The following KLHL1 variants were observed in gnomAD, a reference collection of about 807,000 sequenced individuals.
KLHL1 encodes the protein kelch like family member 1, also known as kelch-like protein 1.
KLHL1 carries 47 observed loss-of-function variants against 77.7 expected under a neutral mutation model. The ratio of observed to expected loss-of-function variants is 0.60; its 90% CI spans 0.48 to 0.77. The LOEUF is 0.77. Ranked by LOEUF, KLHL1 falls within the 30% of genes least tolerant of loss-of-function variation. KLHL1 has a pLI of 0.00. For missense variants in KLHL1, 925 were observed against 910.8 expected (o/e 1.02, Z -0.20); for synonymous variants, 360 against 325.2 (o/e 1.11, Z -1.15).
chr13:69,854,491 G>T (rs1879812284), intron 5 of KLHL1, among the ~76,000 whole-genome samples: 1 of 151,930 alleles, frequency 6.6e-6, no homozygotes, highest in Non-Finnish European at 1.5e-5. Flanking sequence ...TCCCACATTG[G>T]TTACCATGAA....
At chr13:69,891,807 A>G (rs1262523983) in intron 4 of KLHL1, among the ~76,000 whole-genome samples, 1 of 152,048 alleles carries the variant, frequency 6.6e-6, no homozygotes, top group Non-Finnish European at 1.5e-5. Flanking sequence ...TCTGCTTCTC[A>G]TACTGGACAT....
At chr13:69,914,343 C>A (rs1234331331) in intron 4 of KLHL1, among the ~76,000 whole-genome samples, 2 of 152,166 alleles carry the variant, frequency 1.3e-5, no homozygotes, top group African/African-American at 2.4e-5. Flanking sequence ...ACTTAATAAT[C>A]ATTATTATTA....
At chr13:69,945,041 A>G (rs1239674503) in intron 3 of KLHL1, among the ~76,000 whole-genome samples, 1 of 124,308 alleles carries the variant, frequency 8.0e-6, no homozygotes, top group Non-Finnish European at 1.6e-5. Context: ...GCTGGAGTGC[A>G]GTGGCGCCAT....
intron 1 of KLHL1, among the ~76,000 whole-genome samples, chr13:70,062,545 C>T (rs1404449528): frequency 1.3e-5 from 2 of 152,140 alleles, no homozygotes; most frequent in Non-Finnish European, 1.5e-5. Context: ...ACCTATGTAA[C>T]AAACCTGCAC....
chr13:69,882,206 A>G lies in KLHL1; in HGVS notation c.1227+77T>C, dbSNP rs1593914486. On this transcript the variant is annotated intron_variant, in intron 5 of 10. Transcript: ENST00000377844. ...TAAAAATGTGAATACCTAATTAAAA[A>G]TGTGTTTTGATGTTTACTTTTAATA... 3 of 955,194 alleles carry G rather than the reference A, an allele frequency of 3.1e-6. No homozygotes were observed. In the East Asian group the frequency reaches 7.3e-5, roughly 23 times the overall value. The allele number at this position is 955,194 out of a possible 1,614,324, so 59.2% of individuals were successfully genotyped here. A position where few individuals can be genotyped will look rare whatever the true frequency, so the allele number is the denominator to read the frequency against.
At chr13:69,778,733 G>A (rs1250202396) in intron 7 of KLHL1, among the ~76,000 whole-genome samples, 1 of 150,578 alleles carries the variant, frequency 6.6e-6, no homozygotes, top group African/African-American at 2.4e-5. Context: ...TTTGCAACAA[G>A]TGTATAAAAC....
intron 8 of KLHL1, among the ~76,000 whole-genome samples, chr13:69,736,931 C>T (rs967083484): frequency 6.6e-6 from 1 of 152,074 alleles, no homozygotes; most frequent in Non-Finnish European, 1.5e-5. Flanking sequence ...GCTCTGCTCT[C>T]GGCTCCCAGT....
At chr13:69,984,179 G>C (rs1048903787) in intron 1 of KLHL1, among the ~76,000 whole-genome samples, 14 of 152,154 alleles carry the variant, frequency 9.2e-5, no homozygotes, top group Middle Eastern at 6.8e-3. Flanking sequence ...GAGTTAAAAA[G>C]AAATTATTTA....
At chr13:69,965,961 G>A (rs1288058020) in intron 2 of KLHL1, among the ~76,000 whole-genome samples, 1 of 152,146 alleles carries the variant, frequency 6.6e-6, no homozygotes, top group African/African-American at 2.4e-5. Context: ...ATGAAGTTTA[G>A]GGAAAGAAGT....
At chr13:69,732,121 C>T (rs1873575574) in intron 8 of KLHL1, among the ~76,000 whole-genome samples, 1 of 152,034 alleles carries the variant, frequency 6.6e-6, no homozygotes, top group South Asian at 2.1e-4. Flanking sequence ...AATTTTAAGT[C>T]TGCATCGGAG....
chr13:69,982,900 T>A (rs1181949314), intron 1 of KLHL1, among the ~76,000 whole-genome samples: 2 of 152,086 alleles, frequency 1.3e-5, no homozygotes, highest in Non-Finnish European at 2.9e-5. Context: ...ACATTCAAAC[T>A]GAAAAGGGAA....
At chr13:69,794,272 TA>T (rs913668203) in intron 7 of KLHL1, among the ~76,000 whole-genome samples, 13 of 152,158 alleles carry the variant, frequency 8.5e-5, no homozygotes, top group African/African-American at 3.1e-4. Context: ...TGCCCAGCTG[TA>T]ATTCCCCCAG....
At chr13:70,078,974 C>A (rs1266523483) in intron 1 of KLHL1, among the ~76,000 whole-genome samples, 2 of 152,148 alleles carry the variant, frequency 1.3e-5, no homozygotes, top group Non-Finnish European at 2.9e-5. Flanking sequence ...CTCACCTCTT[C>A]CATTTGATTA....
chr13:69,854,919 G>A (rs540300361), intron 5 of KLHL1, among the ~76,000 whole-genome samples: 7 of 151,940 alleles, frequency 4.6e-5, no homozygotes, highest in African/African-American at 1.7e-4. Flanking sequence ...TTGAAATGGT[G>A]CCAACTGGAA....
At chr13:69,810,624 A>G (rs1877832815) in intron 6 of KLHL1, among the ~76,000 whole-genome samples, 1 of 151,872 alleles carries the variant, frequency 6.6e-6, no homozygotes. Flanking sequence ...CATCCAAAGG[A>G]ACTAGAAAAA....
intron 1 of KLHL1, among the ~76,000 whole-genome samples, chr13:70,067,945 T>G (rs2137413696): frequency 6.6e-6 from 1 of 151,982 alleles, no homozygotes; most frequent in African/African-American, 2.4e-5. Flanking sequence ...AGAAGGAAAA[T>G]TCCAGAAATA....
At chr13:70,100,526 G>A (rs1331206293) in intron 1 of KLHL1, among the ~76,000 whole-genome samples, 1 of 151,988 alleles carries the variant, frequency 6.6e-6, no homozygotes, top group Admixed American at 6.6e-5. Context: ...GTAGAGACGG[G>A]GTTTCACTAA....
chr13:70,088,525 C>T (rs958225762), intron 1 of KLHL1, among the ~76,000 whole-genome samples: 2 of 152,000 alleles, frequency 1.3e-5, no homozygotes, highest in East Asian at 3.9e-4. Context: ...ATAAAATAAA[C>T]TTGTGAAACT....
At chr13:69,939,372 T>C (rs1167949342) in intron 4 of KLHL1, among the ~76,000 whole-genome samples, 17 of 90,664 alleles carry the variant, frequency 1.9e-4, no homozygotes, top group South Asian at 3.4e-4. Context: ...TATATATATA[T>C]ATATATACAC....
Sources: allele counts gnomAD v4.1 joint callset (sites outside exome capture counted in the v4.1 genomes callset), GRCh38; gene constraint gnomAD v4.1.1; transcripts MANE v1.5; gene names NCBI Gene and HGNC (gene_info 2026-07-23, HGNC 2026-07-21).